The following SEPTIN9 variants were observed in gnomAD, a reference collection of about 807,000 sequenced individuals.
The protein encoded by SEPTIN9 is septin 9.
Under a neutral mutation model 56.6 loss-of-function variants are expected in SEPTIN9, and 13 were observed. The ratio of observed to expected loss-of-function variants is 0.23; its 90% CI spans 0.15 to 0.37. The LOEUF (loss-of-function observed/expected upper bound fraction) is 0.37, where lower values mean the gene tolerates loss of function less well. SEPTIN9 is among the 10% of genes least tolerant of loss of function. The pLI is 1.00. For missense variants in SEPTIN9, 650 were observed against 823.1 expected (o/e 0.79, Z 2.57); for synonymous variants, 332 against 334.1 (o/e 0.99, Z 0.07).
At position 77,451,446 on chromosome 17, in the gene SEPTIN9, CTG is replaced by C; in HGVS notation, c.722-30697_722-30696del. ...GCGACCACAAAGCCCCTTTGATCCT[CTG>C]CTCGGCTCTGAGCCATGTGACCCGG... On this transcript the variant is annotated intron_variant, in intron 3 of 11. Coordinates refer to ENST00000427177, the MANE Select transcript of SEPTIN9 (RefSeq NM_001113491.2). The surrounding 1 kb of genome is among the most constrained non-coding windows in gnomAD (Gnocchi z 4.2). 1.0e-6 allele frequency: 1 copy of C among 985,774 alleles called. No individual in the cohort carries two copies. Among genetic ancestry groups the C allele is most frequent in the South Asian group, 4.7e-5 (1 of 21,296 alleles). The allele number at this position is 985,774 out of a possible 1,614,324, so 61.1% of individuals were successfully genotyped here. A position where few individuals can be genotyped will look rare whatever the true frequency, so the allele number is the denominator to read the frequency against.
intron 3 of SEPTIN9, among the ~76,000 whole-genome samples, chr17:77,481,408 C>CCT (rs1555677590): frequency 2.6e-5 from 4 of 151,972 alleles, no homozygotes; most frequent in Non-Finnish European, 4.4e-5. Context: ...CAGGGGCCCC[C>CCT]CTCCTCCATG....
At chr17:77,490,307 C>T (rs1464037714) in intron 7 of SEPTIN9, among the ~76,000 whole-genome samples, 1 of 151,790 alleles carries the variant, frequency 6.6e-6, no homozygotes, top group African/African-American at 2.4e-5. Flanking sequence ...GCAAGGGGAG[C>T]AGCCCGCCTG....
At chr17:77,373,761 C>T in intron 2 of SEPTIN9, 1 of 924,268 alleles carries the variant, frequency 1.1e-6, no homozygotes. Flanking sequence ...TTAGGGGCAC[C>T]CGCGTAGACC....
rs1215904119 is a variant in SEPTIN9, at chr17:77,402,383, G to A, written c.401G>A (p.Arg134Lys). The A allele has an allele frequency of 2.5e-6, 4 of 1,611,842 alleles. No homozygotes were observed. The highest frequency in any genetic ancestry group is 3.4e-6 in the Non-Finnish European group (4 of 1,179,502). Residue 134 changes from arginine (R) to lysine (K), a missense_variant, in exon 3 of 12, where the codon AGG becomes AAG. Arg to Lys is a conservative substitution (Grantham distance 26). This residue lies in a region of SEPTIN9 where 317 missense variants were observed against 329.1 expected (regional missense o/e 0.96). Coordinates refer to ENST00000427177, the MANE Select transcript of SEPTIN9 (RefSeq NM_001113491.2). This position sits in a 1 kb window ranked among gnomAD's most constrained non-coding sequence, Gnocchi z 6.6. ...GGCCCGTCCCGGTTCGGGCTCAAGA[G>A]GGCCGAGGTGTTGGGCCACAAGACG... ...AIGPSRFGLK[R>K]AEVLGHKTPE...
chr17:77,333,956 C>T (rs542925363), intron 2 of SEPTIN9, among the ~76,000 whole-genome samples: 3 of 152,082 alleles, frequency 2.0e-5, no homozygotes, highest in African/African-American at 2.4e-5. Flanking sequence ...GTTTCAAGAT[C>T]GAGTGATTTC....
intron 11 of SEPTIN9, 26 bp downstream of exon 11, chr17:77,497,392 G>T: frequency 6.2e-7 from 1 of 1,609,870 alleles, no homozygotes; most frequent in South Asian, 1.1e-5. Flanking sequence ...CTTGGGTGGG[G>T]CTGACGGCTT....
intron 1 of SEPTIN9, among the ~76,000 whole-genome samples, chr17:77,301,518 G>A (rs567186909): frequency 7.4e-4 from 113 of 152,074 alleles, no homozygotes; most frequent in African/African-American, 2.6e-3. Context: ...TCCGCCTCTC[G>A]GGCTCAAGTG....
intron 1 of SEPTIN9, among the ~76,000 whole-genome samples, chr17:77,299,348 A>C (rs2031941737): frequency 6.6e-6 from 1 of 152,252 alleles, no homozygotes; most frequent in Admixed American, 6.5e-5. Context: ...CAGATAAACA[A>C]GGATTAATTT....
intron 3 of SEPTIN9, among the ~76,000 whole-genome samples, chr17:77,416,214 T>C (rs1359277320): frequency 6.6e-6 from 1 of 152,148 alleles, no homozygotes; most frequent in Non-Finnish European, 1.5e-5. Context: ...CTCACCCTAA[T>C]CCCAGCTGGA....
At chr17:77,406,566 G>A (rs1327857690) in intron 3 of SEPTIN9, among the ~76,000 whole-genome samples, 1 of 151,846 alleles carries the variant, frequency 6.6e-6, no homozygotes, top group South Asian at 2.1e-4. Flanking sequence ...GTAAGCCAGC[G>A]ATATCCATGC....
At chr17:77,426,252 G>T (rs1406327392) in intron 3 of SEPTIN9, among the ~76,000 whole-genome samples, 2 of 151,980 alleles carry the variant, frequency 1.3e-5, no homozygotes, top group Non-Finnish European at 2.9e-5. Context: ...GTCCCCTGTG[G>T]TTTGCCCGAC....
intron 10 of SEPTIN9, 117 bp from the exon 11 acceptor site, chr17:77,497,198 G>A: frequency 9.7e-7 from 1 of 1,031,214 alleles, no homozygotes; most frequent in Non-Finnish European, 1.5e-6. Flanking sequence ...TCCTGCCCAT[G>A]GGGCTGCCCT....
intron 3 of SEPTIN9, among the ~76,000 whole-genome samples, chr17:77,442,884 T>TA (rs200357539): frequency 1.0e-3 from 135 of 131,872 alleles, no homozygotes; most frequent in East Asian, 7.4e-3. Context: ...AAAAAACAAA[T>TA]AAAAAAAAAA....
chr17:77,455,188 C>T (rs891164183), intron 3 of SEPTIN9, among the ~76,000 whole-genome samples: 3 of 152,114 alleles, frequency 2.0e-5, no homozygotes, highest in African/African-American at 7.3e-5. Flanking sequence ...TGGGGAACAC[C>T]CTCTGTGAGA....
At position 77,317,466 on chromosome 17, in the gene SEPTIN9, A is replaced by T. The variant is rs2032752543; in HGVS notation, c.76+10269A>T. 6.6e-6 allele frequency among the ~76,000 whole-genome samples: 1 copy of T among 152,166 alleles called. No homozygotes were observed. The highest frequency in any genetic ancestry group is 1.5e-5 in the Non-Finnish European group (1 of 68,028). On this transcript the variant is annotated intron_variant, in intron 2 of 11. Transcript: ENST00000427177. The surrounding 1 kb of genome is among the most constrained non-coding windows in gnomAD (Gnocchi z 4.2). ...AGCCATGGCATTGGATTCTTATAGG[A>T]GAGTGAACCGTATTGTGAACGGCAC... is the stretch of plus-strand genomic sequence containing the variant.
rs535034232 is a variant in SEPTIN9, at chr17:77,454,501, T to C, written c.722-27643T>C. 397 of 438,446 alleles carry C rather than the reference T, an allele frequency of 9.1e-4. 2 individuals carry two copies. The highest frequency in any genetic ancestry group is 7.8e-3 in the African/African-American group (365 of 46,842). The allele number at this position is 438,446 out of a possible 1,614,324, so 27.2% of individuals were successfully genotyped here. A position where few individuals can be genotyped will look rare whatever the true frequency, so the allele number is the denominator to read the frequency against. Reference sequence around the variant, plus strand: ...ATTGGCTGGGAAGGCGCGGGTCTAATTACAGGCCCATGAGGGTCCCTCTCG... The same window carrying C: ...ATTGGCTGGGAAGGCGCGGGTCTAACTACAGGCCCATGAGGGTCCCTCTCG... On this transcript the variant is annotated intron_variant, in intron 3 of 11. Coordinates refer to ENST00000427177, the MANE Select transcript of SEPTIN9 (RefSeq NM_001113491.2).
intron 2 of SEPTIN9, among the ~76,000 whole-genome samples, chr17:77,361,324 A>AG (rs1166388151): frequency 6.6e-6 from 1 of 151,964 alleles, no homozygotes; most frequent in Non-Finnish European, 1.5e-5. Flanking sequence ...CTCCTTTTGA[A>AG]GGTCTTTCTC....
intron 10 of SEPTIN9, among the ~76,000 whole-genome samples, chr17:77,494,473 C>T (rs1196711603): frequency 1.3e-5 from 2 of 152,232 alleles, no homozygotes; most frequent in African/African-American, 2.4e-5. Context: ...CTTAATCTTC[C>T]AGGGCCTCAG....
At position 77,475,680 on chromosome 17, in the gene SEPTIN9, G is replaced by C; in HGVS notation, c.722-6464G>C. Reference sequence around the variant, plus strand: ...AAAGTAAGGAGACTGCTGGGCCCACGCTGGGCCGGGGTGGATGGAGGCAAG... The same window carrying C: ...AAAGTAAGGAGACTGCTGGGCCCACCCTGGGCCGGGGTGGATGGAGGCAAG... On this transcript the variant is annotated intron_variant, in intron 3 of 11. Transcript: ENST00000427177. This position sits in a 1 kb window ranked among gnomAD's most constrained non-coding sequence, Gnocchi z 4.6. The C allele has an allele frequency of 6.2e-7, 1 of 1,613,638 alleles. No individual in the cohort carries two copies. Among genetic ancestry groups the C allele is most frequent in the Non-Finnish European group, 8.5e-7 (1 of 1,179,884 alleles).
Sources: gnomAD v4.1 joint callset for allele counts (sites outside exome capture counted in the v4.1 genomes callset) on GRCh38, gnomAD v4.1.1 for gene constraint, gnomAD v4.1.1 regional missense constraint, Gnocchi (gnomAD v3.1) non-coding constraint, MANE v1.5 for transcripts, NCBI Gene and HGNC (gene_info 2026-07-23, HGNC 2026-07-21) for gene names.